The following DPM1 variants were observed in gnomAD, a reference collection of about 807,000 sequenced individuals.
The protein encoded by DPM1 is dolichyl-phosphate mannosyltransferase subunit 1, catalytic.
Under a neutral mutation model 39.0 loss-of-function variants are expected in DPM1, and 27 were observed. That is an observed-to-expected ratio of 0.69 (90% confidence interval 0.51 to 0.95). The LOEUF is 0.95. Ranked by LOEUF, DPM1 falls within the 40% of genes least tolerant of loss-of-function variation. The pLI is 0.00. For missense variants in DPM1, 307 were observed against 315.6 expected (o/e 0.97, Z 0.21); for synonymous variants, 124 against 109.0 (o/e 1.14, Z -0.86).
rs550693323 is a variant in DPM1 at position 50,958,496 on chromosome 20, G to A, written c.28C>T (p.Pro10Ser). ...TCCAGCTCCCGCCGAGACCTGCGAG[G>A]ACTACGACTGACTTCCAAGGAGGCC... MASLEVSRS[P>S]RRSRRELEVR... The change falls in exon 1 of 9, where the codon CCT becomes TCT. Residue 10 changes from proline to serine, a missense_variant. Coordinates refer to ENST00000371588, the MANE Select transcript of DPM1 (RefSeq NM_003859.3). 4.3e-6 allele frequency: 7 copies of A among 1,613,866 alleles called. No individual in the cohort carries two copies. The highest frequency in any genetic ancestry group is 4.0e-5 in the African/African-American group (3 of 75,002).
Position 50,958,463 on chromosome 20 carries a change from T to C in DPM1, c.61A>G (p.Ser21Gly), listed in dbSNP as rs148674319. ...ACCGAATATTTGTTCTGTCGTGGAC[T>C]GCGCACTTCCAGCTCCCGCCGAGAC... The part of the protein sequence containing the change: ...RRSRRELEVR[S>G]PRQNKYSVLL... Residue 21 changes from serine (S) to glycine (G), a missense_variant, in exon 1 of 9, where the codon AGT (serine) becomes GGT (glycine). Ser to Gly is a moderately conservative substitution (Grantham distance 56). Transcript: ENST00000371588. 2.8e-5 allele frequency: 45 copies of C among 1,613,936 alleles called. No homozygotes were observed. The highest frequency in any genetic ancestry group is 3.6e-5 in the Non-Finnish European group (43 of 1,180,030).
chr20:50,957,535 G>T (rs1488259605), intron 1 of DPM1, among the ~76,000 whole-genome samples: 3 of 152,124 alleles, frequency 2.0e-5, no homozygotes, highest in Admixed American at 1.3e-4. Flanking sequence ...TGTTCTCATC[G>T]ACAAAGCAAA....
intron 7 of DPM1, among the ~76,000 whole-genome samples, chr20:50,936,568 A>G (rs183697155): frequency 6.6e-6 from 1 of 152,256 alleles, no homozygotes; most frequent in African/African-American, 2.4e-5. Context: ...TTGATGCAGA[A>G]CCATCCATTA....
Position 50,941,157 on chromosome 20 carries a change from G to A in DPM1, c.495-224C>T. On this transcript the variant is annotated intron_variant, in intron 6 of 8. Transcript: ENST00000371588. ...TAATCCCAGGAGGCCAAGATGGCTG[G>A]ATCACTTGAGCCCAGGAGTGACCAG... 5.3e-6 allele frequency: 3 copies of A among 566,680 alleles called. No individual in the cohort carries two copies. In the South Asian group the frequency reaches 6.6e-5, roughly 13 times the overall value. The allele number at this position is 566,680 out of a possible 1,614,324, so 35.1% of individuals were successfully genotyped here. A position where few individuals can be genotyped will look rare whatever the true frequency, so the allele number is the denominator to read the frequency against.
At chr20:50,944,344 T>G (rs1986128483) in intron 5 of DPM1, 1 of 152,242 alleles carries the variant, frequency 6.6e-6, no homozygotes, top group African/African-American at 2.4e-5. Flanking sequence ...TTTGCCCATT[T>G]TCTACTCTAC....
At chr20:50,938,979 C>T (rs1476087963) in intron 7 of DPM1, among the ~76,000 whole-genome samples, 1 of 151,822 alleles carries the variant, frequency 6.6e-6, no homozygotes, top group African/African-American at 2.4e-5. Context: ...GAAACCCTGT[C>T]TCAGAAAAAA....
At chr20:50,955,757 G>A (rs1986794180) in intron 1 of DPM1, among the ~76,000 whole-genome samples, 1 of 152,106 alleles carries the variant, frequency 6.6e-6, no homozygotes, top group South Asian at 2.1e-4. Flanking sequence ...TAGAGACGGG[G>A]TTTCACCGTG....
chr20:50,948,714 G>GT, intron 2 of DPM1, 52 bp from the exon 3 acceptor site: 1 of 1,532,306 alleles, frequency 6.5e-7, no homozygotes, highest in African/African-American at 1.4e-5. Context: ...ATCTTATCAT[G>GT]TTAAATTTTA....
intron 2 of DPM1, among the ~76,000 whole-genome samples, chr20:50,953,797 T>C (rs981931897): frequency 1.3e-5 from 2 of 152,204 alleles, no homozygotes; most frequent in African/African-American, 2.4e-5. Context: ...CGAGATTAAA[T>C]GGCAGCACAT....
chr20:50,944,284 T>C (rs978213165), intron 5 of DPM1: 1 of 152,260 alleles, frequency 6.6e-6, no homozygotes, highest in African/African-American at 2.4e-5. Context: ...AAGAACGTCT[T>C]CTTTTATTAG....
intron 8 of DPM1, 93 bp from the exon 9 acceptor site, chr20:50,935,329 T>TAGTC: frequency 1.2e-6 from 1 of 805,450 alleles, no homozygotes; most frequent in Non-Finnish European, 2.2e-6. Context: ...GAAATAGGAT[T>TAGTC]AGTCCTACAA....
chr20:50,941,227 AATATATATATATATATATATATAT>A (rs58694792), intron 6 of DPM1: 7 of 61,192 alleles, frequency 1.1e-4, no homozygotes, highest in South Asian at 3.9e-4. Flanking sequence ...AAAAAAAGTG[AATATATATATATATATATATATAT>A]ATATATATAT....
chr20:50,947,906 T>G (rs924205632), intron 3 of DPM1, among the ~76,000 whole-genome samples: 3 of 152,186 alleles, frequency 2.0e-5, no homozygotes, highest in Non-Finnish European at 4.4e-5. Flanking sequence ...AGATTACATT[T>G]GTGAGCCACT....
intron 6 of DPM1, 192 bp from the exon 7 acceptor site, chr20:50,941,125 A>C: frequency 1.5e-6 from 1 of 646,548 alleles, no homozygotes; most frequent in Non-Finnish European, 2.7e-6. Flanking sequence ...GCGGTGGCTC[A>C]CACCTGTAAT....
intron 5 of DPM1, chr20:50,944,528 A>C (rs1057500406): frequency 6.6e-6 from 1 of 152,314 alleles, no homozygotes; most frequent in Non-Finnish European, 1.5e-5. Flanking sequence ...ATGGAAAGCA[A>C]AAAGGAAGGA....
In DPM1 at chr20:50,945,724, A is replaced by G. The variant is rs201703497; in HGVS notation, c.398+13T>C. On this transcript the variant is annotated intron_variant, in intron 5 of 8. Coordinates refer to ENST00000371588, the MANE Select transcript of DPM1 (RefSeq NM_003859.3). ...CAGTCATATTTCTTTCAAATATTAG[A>G]AATAGTACCTACCTAATAAATTCAG... 430 of 1,544,718 alleles carry G rather than the reference A, an allele frequency of 2.8e-4. No individual in the cohort carries two copies. In the African/African-American group the frequency reaches 5.0e-3, roughly 18 times the overall value.
At chr20:50,940,466 G>A (rs1361694632) in intron 7 of DPM1, among the ~76,000 whole-genome samples, 1 of 152,182 alleles carries the variant, frequency 6.6e-6, no homozygotes, top group East Asian at 1.9e-4. Context: ...TCAAACATAT[G>A]GAGAACAAGG....
intron 7 of DPM1, among the ~76,000 whole-genome samples, chr20:50,939,222 G>A (rs6020859): frequency 0.02 from 3,011 of 152,066 alleles, 87 homozygotes; most frequent in African/African-American, 0.069. Flanking sequence ...TTCACAACTA[G>A]TTACCAGTTA....
chr20:50,943,316 A>G (rs1986015922), intron 5 of DPM1, among the ~76,000 whole-genome samples: 1 of 152,108 alleles, frequency 6.6e-6, no homozygotes, highest in South Asian at 2.1e-4. Context: ...ATGGTGCCCT[A>G]CCCTCTCAAC....
Sources: gnomAD v4.1 joint callset for allele counts (sites outside exome capture counted in the v4.1 genomes callset) on GRCh38, gnomAD v4.1.1 for gene constraint, MANE v1.5 for transcripts, NCBI Gene and HGNC (gene_info 2026-07-23, HGNC 2026-07-21) for gene names.